Variants in ITPKB observed in about 807,000 individuals in gnomAD.
ITPKB encodes the protein inositol-trisphosphate 3-kinase B.
Under a neutral mutation model 69.4 loss-of-function variants are expected in ITPKB, and 13 were observed. That is an observed-to-expected ratio of 0.19 (90% CI 0.12 to 0.30). The LOEUF (loss-of-function observed/expected upper bound fraction) is 0.30, where lower values mean the gene tolerates loss of function less well. ITPKB is among the 10% of genes least tolerant of loss of function. The pLI is 1.00. For missense variants in ITPKB, 1,240 were observed against 1,250.5 expected, an observed-to-expected ratio of 0.99 and a Z score of 0.13; for synonymous variants, 584 against 513.7, an observed-to-expected ratio of 1.14 and a Z score of -1.85.
chr1:226,707,712 C>A, intron 2 of ITPKB: 4 of 1,035,228 alleles, frequency 3.9e-6, no homozygotes, highest in Non-Finnish European at 4.7e-6. Flanking sequence ...ATTACAACTT[C>A]AAGGGACAGT....
chr1:226,661,855 G>T (rs115029964), intron 2 of ITPKB, among the ~76,000 whole-genome samples: 1,761 of 152,276 alleles, frequency 0.012, 40 homozygotes, highest in African/African-American at 0.041. Flanking sequence ...GTTAGCAGTA[G>T]GGTCTGACCA....
At position 226,737,679 on chromosome 1, in the gene ITPKB, G is replaced by A. The variant is rs1657842373; in HGVS notation, c.-205-16C>T. 6.1e-6 allele frequency: 6 copies of A among 981,982 alleles called. No individual in the cohort carries two copies. Among genetic ancestry groups the A allele is most frequent in the Non-Finnish European group, 7.5e-6 (6 of 803,938 alleles). The allele number at this position is 981,982 out of a possible 1,614,324, so 60.8% of individuals were successfully genotyped here. A position where few individuals can be genotyped will look rare whatever the true frequency, so the allele number is the denominator to read the frequency against. ...AACCGTGCGGCTGTGGAGATACAAG[G>A]AGAAAAGTCAGGACCCTGGAGGGCG... is the stretch of plus-strand genomic sequence containing the variant. On this transcript the variant is annotated splice_polypyrimidine_tract_variant and intron_variant, in intron 1 of 7. Transcript: ENST00000429204.
rs535653715 is a variant in ITPKB, at chr1:226,661,251, T to C, written c.1933-12480A>G. Reference sequence around the variant, plus strand: ...TAAGGCAGGGCAGGAGCGCAGCCCATAGCATGCGAGCTGTTCTAGTGCCAG... The same window carrying C: ...TAAGGCAGGGCAGGAGCGCAGCCCACAGCATGCGAGCTGTTCTAGTGCCAG... On this transcript the variant is annotated intron_variant, in intron 2 of 7. Transcript: ENST00000429204. Among the ~76,000 whole-genome samples the C allele has an allele frequency of 1.1e-4, 17 of 152,180 alleles. No homozygotes were observed. In the South Asian group the frequency reaches 2.9e-3, roughly 26 times the overall value.
chr1:226,651,127 C>T (rs1669183634), intron 2 of ITPKB, among the ~76,000 whole-genome samples: 1 of 152,112 alleles, frequency 6.6e-6, no homozygotes, highest in Non-Finnish European at 1.5e-5. Context: ...GGGGGCCAGA[C>T]TCAGTGGAGA....
At chr1:226,703,526 C>T (rs1656725775) in intron 2 of ITPKB, among the ~76,000 whole-genome samples, 1 of 152,030 alleles carries the variant, frequency 6.6e-6, no homozygotes, top group Admixed American at 6.5e-5. Flanking sequence ...TCCTCCCGCG[C>T]GCGCTCTGCC....
chr1:226,635,191 T>A (rs1222460783), intron 7 of ITPKB, among the ~76,000 whole-genome samples: 1 of 152,056 alleles, frequency 6.6e-6, no homozygotes, highest in Non-Finnish European at 1.5e-5. Flanking sequence ...TTTCCTTCCT[T>A]CCTGCCTTCC....
chr1:226,725,806 T>C (rs774791190), intron 2 of ITPKB, among the ~76,000 whole-genome samples: 1 of 152,232 alleles, frequency 6.6e-6, no homozygotes, highest in Admixed American at 6.5e-5. Flanking sequence ...GAGGAGACGA[T>C]GCTGCGGCTG....
chr1:226,661,064 G>A (rs529089437), intron 2 of ITPKB, among the ~76,000 whole-genome samples: 1 of 152,346 alleles, frequency 6.6e-6, no homozygotes, highest in African/African-American at 2.4e-5. Context: ...CTGAAGTTCT[G>A]GAACCTCCGA....
In ITPKB at chr1:226,694,602, T is replaced by C. The variant is rs74603979; in HGVS notation, c.1932+40925A>G. 3.9e-5 allele frequency among the ~76,000 whole-genome samples: 6 copies of C among 152,312 alleles called. No homozygotes were observed. In the South Asian group the frequency reaches 1.2e-3, roughly 32 times the overall value. On this transcript the variant is annotated intron_variant, in intron 2 of 7. Transcript: ENST00000429204. ...GCTAGGTATTATTATATTCATTTCA[T>C]AGTAAAGAAACTCAGGCTTAGCCAT...
chr1:226,696,764 A>G (rs1373171144), intron 2 of ITPKB, among the ~76,000 whole-genome samples: 1 of 152,144 alleles, frequency 6.6e-6, no homozygotes, highest in Non-Finnish European at 1.5e-5. Context: ...GTGTCTCATC[A>G]CACTTACTAA....
intron 2 of ITPKB, among the ~76,000 whole-genome samples, chr1:226,654,813 T>C (rs1022190905): frequency 6.6e-6 from 1 of 151,960 alleles, no homozygotes; most frequent in African/African-American, 2.4e-5. Context: ...CTTCAACAAA[T>C]CAGAGGGCAA....
chr1:226,652,865 T>C (rs1271385859), intron 2 of ITPKB, among the ~76,000 whole-genome samples: 1 of 152,254 alleles, frequency 6.6e-6, no homozygotes, highest in Non-Finnish European at 1.5e-5. Flanking sequence ...AGCTCTGCTG[T>C]GACCCTTACT....
Position 226,737,525 on chromosome 1 carries a change from TC to T in ITPKB, c.-68del. On this transcript the variant is annotated 5_prime_UTR_variant, in exon 2 of 8. Coordinates refer to ENST00000429204, the MANE Select transcript of ITPKB (RefSeq NM_002221.4). ...CTGCTCCGCCGCCGGCGCCTCCTCCTCCCGGCGCTCCCGGCTCAGCCCCGGA... is the reference window on the plus strand; with the variant it reads ...CTGCTCCGCCGCCGGCGCCTCCTCCTCCGGCGCTCCCGGCTCAGCCCCGGA... The T allele has an allele frequency of 7.3e-7, 1 of 1,374,902 alleles. No homozygotes were observed. The highest frequency in any genetic ancestry group is 9.4e-7 in the Non-Finnish European group (1 of 1,065,992). The allele number at this position is 1,374,902 out of a possible 1,614,324, so 85.2% of individuals were successfully genotyped here.
intron 2 of ITPKB, among the ~76,000 whole-genome samples, chr1:226,664,482 T>C (rs1669460389): frequency 6.6e-6 from 1 of 152,184 alleles, no homozygotes; most frequent in African/African-American, 2.4e-5. Flanking sequence ...GGGGAGAGCC[T>C]TGGGGACTCT....
At chr1:226,726,287 T>C in intron 2 of ITPKB, among the ~76,000 whole-genome samples, 1 of 152,228 alleles carries the variant, frequency 6.6e-6, no homozygotes, top group East Asian at 1.9e-4. Flanking sequence ...CCTCAACTAC[T>C]TGCAATTAGC....
chr1:226,702,264 G>A (rs1656686282), intron 2 of ITPKB, among the ~76,000 whole-genome samples: 1 of 152,132 alleles, frequency 6.6e-6, no homozygotes, highest in African/African-American at 2.4e-5. Flanking sequence ...GGGTGTGGTG[G>A]TGGGCGCCTA....
intron 2 of ITPKB, among the ~76,000 whole-genome samples, chr1:226,672,144 T>A (rs1051187380): frequency 6.6e-5 from 10 of 152,192 alleles, no homozygotes; most frequent in Non-Finnish European, 1.5e-4. Flanking sequence ...CATTTTAGAC[T>A]GAGAAATAAA....
chr1:226,664,095 C>T (rs989272422), intron 2 of ITPKB, among the ~76,000 whole-genome samples: 1 of 152,234 alleles, frequency 6.6e-6, no homozygotes, highest in Non-Finnish European at 1.5e-5. Flanking sequence ...CTTGCCTGCA[C>T]AGCTTACAGA....
intron 2 of ITPKB, among the ~76,000 whole-genome samples, chr1:226,666,623 T>C (rs1669508691): frequency 6.6e-6 from 1 of 152,110 alleles, no homozygotes; most frequent in Admixed American, 6.5e-5. Context: ...AGTCAATCAC[T>C]AAAGTTCCTA....
Sources: allele counts gnomAD v4.1 joint callset (sites outside exome capture counted in the v4.1 genomes callset), GRCh38; gene constraint gnomAD v4.1.1; transcripts MANE v1.5; gene names NCBI Gene and HGNC (gene_info 2026-07-23, HGNC 2026-07-21).